Variants in CASD1 observed in about 807,000 individuals in gnomAD.
CASD1 encodes N-acetylneuraminate (7)9-O-acetyltransferase.
CASD1 carries 41 observed loss-of-function variants against 100.0 expected under a neutral mutation model. The ratio of observed to expected loss-of-function variants is 0.41; its 90% confidence interval spans 0.32 to 0.53. The LOEUF is 0.53. Ranked by LOEUF, CASD1 falls within the 20% of genes least tolerant of loss-of-function variation. CASD1 has a pLI of 0.25. For missense variants in CASD1, 774 were observed against 948.7 expected (o/e 0.82, Z 2.42); for synonymous variants, 321 against 315.6 (o/e 1.02, Z -0.18).
chr7:94,577,693 TC>T, the CASD1 span, among the ~76,000 whole-genome samples: 1 of 152,200 alleles, frequency 6.6e-6, no homozygotes, highest in Non-Finnish European at 1.5e-5. Flanking sequence ...CCTGGTAAGT[TC>T]TTTGGTTAAT....
the CASD1 span, among the ~76,000 whole-genome samples, chr7:94,593,414 G>C: frequency 6.6e-6 from 1 of 151,784 alleles, no homozygotes; most frequent in Non-Finnish European, 1.5e-5. Context: ...AAAATCAATT[G>C]GTATTGATGT....
the CASD1 span, chr7:94,623,274 A>AAG: frequency 8.7e-7 from 1 of 1,146,910 alleles, no homozygotes; most frequent in East Asian, 2.5e-5. Context: ...TATAAAACAT[A>AAG]ATGAAATACT....
Position 94,554,411 on chromosome 7 carries a change from AAAAG to A in CASD1, c.2035-67_2035-64del, listed in dbSNP as rs1796105095. 6 of 965,232 alleles carry A rather than the reference AAAAG, an allele frequency of 6.2e-6. No homozygotes were observed. The East Asian group carries it at 7.7e-5, about 12-fold the overall frequency. 59.8% of individuals were successfully genotyped at this position (965,232 alleles called of 1,614,324 possible). A position where few individuals can be genotyped will look rare whatever the true frequency, so the allele number is the denominator to read the frequency against. On this transcript the variant is annotated intron_variant, in intron 16 of 17. Coordinates refer to ENST00000297273, the MANE Select transcript of CASD1 (RefSeq NM_022900.5). ...AACATAAAGAATAAGGTTATCATTT[AAAAG>A]AAAGCTTTATACAAAATACTTTTCA...
intron 10 of CASD1, among the ~76,000 whole-genome samples, 184 bp downstream of exon 10, chr7:94,539,240 A>AT (rs1304188607): frequency 1.3e-5 from 2 of 151,936 alleles, no homozygotes; most frequent in Non-Finnish European, 2.9e-5. Context: ...TCAAAGCAAA[A>AT]TTTTTTTTAA....
chr7:94,581,756 T>G, the CASD1 span, among the ~76,000 whole-genome samples: 2,312 of 152,360 alleles, frequency 0.015, 60 homozygotes, highest in African/African-American at 0.053. Flanking sequence ...GTACCACATT[T>G]TCTTTATGCA....
At chr7:94,514,973 G>A (rs1793900324) in intron 1 of CASD1, among the ~76,000 whole-genome samples, 1 of 152,034 alleles carries the variant, frequency 6.6e-6, no homozygotes, top group South Asian at 2.1e-4. Context: ...TCTTTCCTGA[G>A]AAAAGAGAAT....
At chr7:94,533,302 A>G (rs1486953907) in intron 6 of CASD1, 53 bp downstream of exon 6, 3 of 1,473,502 alleles carry the variant, frequency 2.0e-6, no homozygotes, top group South Asian at 1.2e-5. Flanking sequence ...GTTTAAGAAC[A>G]TGCTAAGAAA....
At chr7:94,527,112 A>G (rs1334197736) in intron 3 of CASD1, 50 bp from the exon 4 acceptor site, 5 of 1,385,326 alleles carry the variant, frequency 3.6e-6, no homozygotes, top group Non-Finnish European at 5.1e-6. Context: ...GGCATTTTTT[A>G]TATAAATTTA....
the CASD1 span, among the ~76,000 whole-genome samples, chr7:94,593,582 C>T: frequency 6.6e-6 from 1 of 151,924 alleles, no homozygotes; most frequent in African/African-American, 2.4e-5. Context: ...TACAAAATAA[C>T]ATTTTTTCAA....
intron 16 of CASD1, chr7:94,553,031 T>C (rs565032376): frequency 2.6e-4 from 75 of 287,186 alleles, no homozygotes; most frequent in African/African-American, 1.6e-3. Flanking sequence ...CCTACTCTTA[T>C]GGAGCCTACA....
chr7:94,566,878 C>T, the CASD1 span, among the ~76,000 whole-genome samples: 1 of 152,136 alleles, frequency 6.6e-6, no homozygotes, highest in Non-Finnish European at 1.5e-5. Flanking sequence ...TTAGCCAGGT[C>T]TTAACTACCC....
intron 3 of CASD1, 135 bp downstream of exon 3, chr7:94,518,458 AAG>A: frequency 1.5e-6 from 1 of 658,214 alleles, no homozygotes; most frequent in South Asian, 2.6e-5. Flanking sequence ...GTTGGGGAAA[AAG>A]AGGGATGAAT....
chr7:94,628,236 G>T, the CASD1 span: 2 of 1,611,774 alleles, frequency 1.2e-6, no homozygotes, highest in South Asian at 1.1e-5. Context: ...ATTTTCAGCT[G>T]TTGGGGACCC....
intron 1 of CASD1, among the ~76,000 whole-genome samples, chr7:94,513,744 C>A (rs1054222552): frequency 3.3e-5 from 5 of 152,180 alleles, no homozygotes; most frequent in African/African-American, 1.2e-4. Context: ...GCCTAACACA[C>A]AATAGGAAAT....
the CASD1 span, among the ~76,000 whole-genome samples, chr7:94,607,104 A>T: frequency 6.6e-6 from 1 of 152,152 alleles, no homozygotes; most frequent in Non-Finnish European, 1.5e-5. Context: ...AGAAAAAAAA[A>T]ATCAGATAAT....
Position 94,510,074 on chromosome 7 carries a change from G to T in CASD1, c.-11G>T, listed in dbSNP as rs1023850055. 3 of 1,513,196 alleles carry T rather than the reference G, an allele frequency of 2.0e-6. No homozygotes were observed. The highest frequency in any genetic ancestry group is 2.7e-6 in the Non-Finnish European group (3 of 1,128,186). The allele number at this position is 1,513,196 out of a possible 1,614,324, so 93.7% of individuals were successfully genotyped here. On this transcript the variant is annotated 5_prime_UTR_variant, in exon 1 of 18. The change creates a premature stop within an existing upstream ORF in the 5' untranslated region. Transcript: ENST00000297273. Reference sequence around the variant, plus strand: ...CGCTCCGCCGCGCACTGTTGTCATGGAGGAACCAAGATGGCGGCTCTGGCC... The same window carrying T: ...CGCTCCGCCGCGCACTGTTGTCATGTAGGAACCAAGATGGCGGCTCTGGCC...
the CASD1 span, chr7:94,620,956 G>A: frequency 6.6e-6 from 1 of 152,238 alleles, no homozygotes; most frequent in Admixed American, 6.5e-5. Flanking sequence ...CAAGAGAACA[G>A]TAGGCCAACA....
chr7:94,619,540 A>G, the CASD1 span: 1 of 152,326 alleles, frequency 6.6e-6, no homozygotes, highest in Admixed American at 6.5e-5. Context: ...TCAGCCTTTC[A>G]ATATGAGAAA....
the CASD1 span, among the ~76,000 whole-genome samples, chr7:94,584,051 T>C: frequency 8.6e-3 from 1,313 of 152,272 alleles, 13 homozygotes; most frequent in African/African-American, 0.029. Context: ...ATGATTTCTC[T>C]CCCCATTCAA....
Sources: allele counts gnomAD v4.1 joint callset (sites outside exome capture counted in the v4.1 genomes callset), GRCh38; gene constraint gnomAD v4.1.1; transcripts MANE v1.5; gene names NCBI Gene and HGNC (gene_info 2026-07-23, HGNC 2026-07-21).